The following TRIP12 variants were observed in gnomAD, a reference collection of about 807,000 sequenced individuals.
TRIP12 encodes thyroid hormone receptor interactor 12, also known as E3 ubiquitin-protein ligase TRIP12.
A neutral mutation model predicts 244.2 loss-of-function variants in TRIP12; 25 were observed. That is an observed-to-expected ratio of 0.10 (90% CI 0.07 to 0.14). The LOEUF is 0.14. Ranked by LOEUF, TRIP12 falls within the 10% of genes least tolerant of loss-of-function variation. The pLI is 1.00. For synonymous variants in TRIP12, 905 were observed against 873.1 expected (o/e 1.04, Z -0.64); for missense variants, 1,677 against 2,486.4 (o/e 0.67, Z 6.92).
intron 1 of TRIP12, among the ~76,000 whole-genome samples, chr2:229,913,081 C>T (rs967973506): frequency 6.6e-5 from 10 of 152,076 alleles, no homozygotes; most frequent in African/African-American, 9.7e-5. Flanking sequence ...AACTCCTGGG[C>T]TCAAATCATC....
At chr2:229,900,267 A>C (rs969724338) in intron 1 of TRIP12, among the ~76,000 whole-genome samples, 4 of 152,242 alleles carry the variant, frequency 2.6e-5, no homozygotes, top group Non-Finnish European at 5.9e-5. Flanking sequence ...CTATACTTGA[A>C]TTTGGTTCTG....
chr2:229,884,518 T>G (rs1298357548), intron 1 of TRIP12, among the ~76,000 whole-genome samples: 1 of 152,168 alleles, frequency 6.6e-6, no homozygotes, highest in Non-Finnish European at 1.5e-5. Context: ...ATTACAGGCG[T>G]GGACCACTGC....
chr2:229,914,113 C>T (rs1342838503), intron 1 of TRIP12, among the ~76,000 whole-genome samples: 1 of 152,022 alleles, frequency 6.6e-6, no homozygotes, highest in East Asian at 1.9e-4. Flanking sequence ...GGCAGGGAAT[C>T]GCTTGAACCA....
chr2:229,897,223 C>T (rs1408907814), intron 1 of TRIP12, among the ~76,000 whole-genome samples: 1 of 152,150 alleles, frequency 6.6e-6, no homozygotes, highest in African/African-American at 2.4e-5. Context: ...AGTGACACTG[C>T]AATTCTCAAT....
intron 1 of TRIP12, among the ~76,000 whole-genome samples, chr2:229,911,444 T>A (rs767948939): frequency 6.6e-6 from 1 of 152,142 alleles, no homozygotes; most frequent in Non-Finnish European, 1.5e-5. Context: ...AAATCCTGTA[T>A]ACATACTTGT....
rs201592208 is a variant in TRIP12 at position 229,887,607 on chromosome 2, CAGTG to C, written c.-49-7483_-49-7480del. ...AAACATTTTGATGACAGGATCTACA[CAGTG>C]AGAAAGAATAGTCTAAGACTGTGGT... On this transcript the variant is annotated intron_variant, in intron 1 of 41. Coordinates refer to ENST00000675903, the MANE Select transcript of TRIP12 (RefSeq NM_001348323.3). 2.3e-3 allele frequency among the ~76,000 whole-genome samples: 355 copies of C among 152,248 alleles called. 1 individual carries two copies. Among genetic ancestry groups the C allele is most frequent in the African/African-American group, 7.9e-3 (330 of 41,542 alleles).
chr2:229,851,553 C>G (rs1423542848), intron 4 of TRIP12, among the ~76,000 whole-genome samples: 1 of 152,138 alleles, frequency 6.6e-6, no homozygotes, highest in African/African-American at 2.4e-5. Flanking sequence ...CCGCTCGGGT[C>G]CCCTTCCACA....
chr2:229,804,717 G>A (rs539763241), intron 18 of TRIP12, among the ~76,000 whole-genome samples: 47 of 152,222 alleles, frequency 3.1e-4, no homozygotes, highest in African/African-American at 1.0e-3. Flanking sequence ...GACAAAGTAC[G>A]GTCTGTAAGC....
Position 229,860,265 on chromosome 2 carries a change from C to A in TRIP12, c.224+141G>T, listed in dbSNP as rs138640407. Reference sequence around the variant, plus strand: ...CACTAATCACTGCAAAGGTGATAAACTGTCAATCCTAAAAGTTACTTAGAG... The same window carrying A: ...CACTAATCACTGCAAAGGTGATAAAATGTCAATCCTAAAAGTTACTTAGAG... On this transcript the variant is annotated intron_variant, in intron 3 of 41. Coordinates refer to ENST00000675903, the MANE Select transcript of TRIP12 (RefSeq NM_001348323.3). 3.0e-4 allele frequency: 316 copies of A among 1,049,230 alleles called. 1 individual carries two copies. The highest frequency in any genetic ancestry group is 4.0e-4 in the Non-Finnish European group (293 of 738,378). 65.0% of individuals were successfully genotyped at this position (1,049,230 alleles called of 1,614,324 possible).
chr2:229,864,043 AGAGAGT>A (rs1332609770), intron 2 of TRIP12, among the ~76,000 whole-genome samples: 805 of 71,920 alleles, frequency 0.011, 3 homozygotes, highest in Middle Eastern at 0.047. Context: ...AGAGAGAGAG[AGAGAGT>A]GTGTGTGTGT....
intron 1 of TRIP12, among the ~76,000 whole-genome samples, chr2:229,892,826 AC>A (rs1194321844): frequency 6.6e-6 from 1 of 152,172 alleles, no homozygotes; most frequent in African/African-American, 2.4e-5. Flanking sequence ...AGATTGCACC[AC>A]TGCACTCCAG....
intron 2 of TRIP12, among the ~76,000 whole-genome samples, chr2:229,872,117 A>G (rs2062736467): frequency 2.2e-5 from 3 of 134,064 alleles, no homozygotes; most frequent in African/African-American, 1.0e-4. Flanking sequence ...AAAAAAAAAA[A>G]AAAAAAAAAA....
In TRIP12 at chr2:229,765,183, C is replaced by T. The variant is rs1195723636; in HGVS notation, c.*2371G>A. On this transcript the variant is annotated 3_prime_UTR_variant, in exon 42 of 42. Coordinates refer to ENST00000675903, the MANE Select transcript of TRIP12 (RefSeq NM_001348323.3). ...CAAATTCGGTGTTAGCTATGACTAA[C>T]ATCTGACTGACTCCATCTCAGCAAA... The T allele has an allele frequency of 1.3e-5, 2 of 152,202 alleles. No homozygotes were observed. Among genetic ancestry groups the T allele is most frequent in the Non-Finnish European group, 2.9e-5 (2 of 68,044 alleles). 9.4% of individuals were successfully genotyped at this position (152,202 alleles called of 1,614,324 possible). A position where few individuals can be genotyped will look rare whatever the true frequency, so the allele number is the denominator to read the frequency against.
intron 1 of TRIP12, among the ~76,000 whole-genome samples, chr2:229,917,859 C>CT (rs1449731934): frequency 2.0e-5 from 3 of 151,708 alleles, no homozygotes; most frequent in African/African-American, 4.8e-5. Flanking sequence ...GCCCAGCTAA[C>CT]TTTTTTTTTC....
chr2:229,846,529 T>C (rs530204681), intron 4 of TRIP12, among the ~76,000 whole-genome samples: 1 of 152,344 alleles, frequency 6.6e-6, no homozygotes, highest in South Asian at 2.1e-4. Context: ...GTACAACTTT[T>C]ATGTGCACTG....
At chr2:229,791,280 A>C in intron 29 of TRIP12, 29 bp from the exon 30 acceptor site, 1 of 1,611,266 alleles carries the variant, frequency 6.2e-7, no homozygotes, top group Non-Finnish European at 8.5e-7. Flanking sequence ...ATATAAACCA[A>C]ATGTAGATTT....
intron 4 of TRIP12, among the ~76,000 whole-genome samples, chr2:229,846,936 C>T (rs1186317790): frequency 6.6e-6 from 1 of 152,078 alleles, no homozygotes; most frequent in East Asian, 1.9e-4. Flanking sequence ...GAGCTAGATG[C>T]CCAATAACAG....
chr2:229,857,409 G>T (rs2059768657), intron 4 of TRIP12, among the ~76,000 whole-genome samples: 1 of 152,064 alleles, frequency 6.6e-6, no homozygotes, highest in African/African-American at 2.4e-5. Context: ...GGGACAGGTG[G>T]ATCACTTGTC....
chr2:229,884,960 A>C (rs1296534165), intron 1 of TRIP12, among the ~76,000 whole-genome samples: 2 of 152,150 alleles, frequency 1.3e-5, no homozygotes. Context: ...ACACAAGGAG[A>C]CCGTCTCAAA....
Sources: allele counts gnomAD v4.1 joint callset (sites outside exome capture counted in the v4.1 genomes callset), GRCh38; gene constraint gnomAD v4.1.1; transcripts MANE v1.5; gene names NCBI Gene and HGNC (gene_info 2026-07-23, HGNC 2026-07-21).